Variants in LIPK observed in about 807,000 individuals in gnomAD.
LIPK encodes the protein lipase family member K.
In LIPK, 32 loss-of-function variants were observed where a neutral mutation model predicts 48.6. The ratio of observed to expected loss-of-function variants is 0.66; its 90% confidence interval spans 0.50 to 0.88. LIPK has a LOEUF of 0.88. Among genes scored for constraint, LIPK ranks in the 40% least tolerant of loss-of-function variants. LIPK has a pLI of 0.00. For missense variants in LIPK, 507 were observed against 478.5 expected, an observed-to-expected ratio of 1.06 and a Z score of -0.56; for synonymous variants, 164 against 157.4, an observed-to-expected ratio of 1.04 and a Z score of -0.32.
intron 8 of LIPK, among the ~76,000 whole-genome samples, chr10:88,741,131 T>C (rs1242304968): frequency 6.6e-6 from 1 of 152,220 alleles, no homozygotes; most frequent in Admixed American, 6.5e-5. Context: ...TCAGTCTCAC[T>C]GAATTATTAT....
Position 88,727,009 on chromosome 10 carries a change from C to G in LIPK, c.223+97C>G, listed in dbSNP as rs564965263. The G allele has an allele frequency of 7.5e-5, 54 of 715,572 alleles. No individual in the cohort carries two copies. In the South Asian group the frequency reaches 8.6e-4, roughly 11 times the overall value. The allele number at this position is 715,572 out of a possible 1,614,324, so 44.3% of individuals were successfully genotyped here. ...GCAGTTTTTGTTCTGAAATTCTTAA[C>G]AGTCCTTTCCATTAAAGGAGAAAAA... On this transcript the variant is annotated intron_variant, in intron 3 of 9. Coordinates refer to ENST00000404190, the MANE Select transcript of LIPK (RefSeq NM_001080518.2).
At chr10:88,736,760 A>T (rs367852475) in intron 6 of LIPK, among the ~76,000 whole-genome samples, 9 of 152,164 alleles carry the variant, frequency 5.9e-5, no homozygotes, top group African/African-American at 1.9e-4. Flanking sequence ...CTGTTCTGAA[A>T]CCTGGAGTTG....
chr10:88,727,930 G>A (rs1360342376), intron 3 of LIPK: 6 of 371,128 alleles, frequency 1.6e-5, no homozygotes, highest in Admixed American at 2.9e-5. Context: ...CTGGGAGAAC[G>A]TGGACAACAT....
chr10:88,746,955 C>T (rs937319328), intron 9 of LIPK, among the ~76,000 whole-genome samples: 7 of 152,032 alleles, frequency 4.6e-5, no homozygotes, highest in Non-Finnish European at 1.0e-4. Flanking sequence ...CCCACAGATA[C>T]ATAATAATCC....
chr10:88,717,280 C>T (rs978122009), intron 1 of LIPK, among the ~76,000 whole-genome samples: 15 of 152,134 alleles, frequency 9.9e-5, no homozygotes, highest in East Asian at 5.8e-4. Context: ...AGGAAAGGTT[C>T]GTCTTGGTCC....
chr10:88,752,696 T>C lies in LIPK; in HGVS notation c.1140T>C (p.Asp380=), dbSNP rs1413778720. Residue 380 remains aspartate, a synonymous_variant, in exon 10 of 10, where the codon GAT becomes GAC. Transcript: ENST00000404190. The part of the protein sequence containing the change: ...YNHVDFYLGE[D]APQEIYQDLI... ...ATGTGGATTTTTACCTTGGAGAGGA[T>C]GCACCTCAGGAAATTTACCAAGACC... 4 of 1,574,872 alleles carry C rather than the reference T, an allele frequency of 2.5e-6. No homozygotes were observed. Among genetic ancestry groups the C allele is most frequent in the Non-Finnish European group, 2.6e-6 (3 of 1,157,402 alleles).
chr10:88,746,516 C>T (rs1842768721), intron 9 of LIPK, among the ~76,000 whole-genome samples: 1 of 152,142 alleles, frequency 6.6e-6, no homozygotes, highest in African/African-American at 2.4e-5. Flanking sequence ...TCCTGAATGA[C>T]TTTTGGGTAA....
At chr10:88,722,933 G>A (rs184765495) in intron 1 of LIPK, among the ~76,000 whole-genome samples, 54 of 120,458 alleles carry the variant, frequency 4.5e-4, no homozygotes, top group African/African-American at 1.7e-3. Flanking sequence ...CGAGGCTGGC[G>A]TTCAGTGGTG....
chr10:88,708,599 C>A (rs1016865188), intron 1 of LIPK, among the ~76,000 whole-genome samples: 1 of 151,960 alleles, frequency 6.6e-6, no homozygotes, highest in Non-Finnish European at 1.5e-5. Flanking sequence ...TGCTAAGGTG[C>A]ACTTTATGGC....
At chr10:88,731,619 G>C (rs1432944218) in intron 4 of LIPK, among the ~76,000 whole-genome samples, 1 of 152,212 alleles carries the variant, frequency 6.6e-6, no homozygotes, top group Non-Finnish European at 1.5e-5. Context: ...CCTTGGCCTC[G>C]TTGCCTGCCT....
At chr10:88,745,290 A>C (rs1424312903) in intron 9 of LIPK, among the ~76,000 whole-genome samples, 1 of 152,174 alleles carries the variant, frequency 6.6e-6, no homozygotes, top group Admixed American at 6.6e-5. Flanking sequence ...AACCCCTGCA[A>C]GATAGTATAT....
rs1388380740 is a variant in LIPK at position 88,732,545 on chromosome 10, A to G, written c.663A>G (p.Val221=). The change falls in exon 6 of 10, where the codon GTA becomes GTG. Residue 221 remains valine, a synonymous_variant. Coordinates refer to ENST00000404190, the MANE Select transcript of LIPK (RefSeq NM_001080518.2). ...MKKLTTLSRR[V]VKVLFGDKMF... is the part of the protein sequence containing the mutation. ...AACTAACAACCCTTTCCAGGCGAGT[A>G]GTTAAGGTATGTGACTTCCCAAGTT... is the stretch of plus-strand genomic sequence containing the variant. The G allele has an allele frequency of 2.5e-6, 4 of 1,603,990 alleles. No individual in the cohort carries two copies. The highest frequency in any genetic ancestry group is 3.4e-6 in the Non-Finnish European group (4 of 1,177,440).
In LIPK at chr10:88,732,196, A is replaced by G. The variant is rs1327465546; in HGVS notation, c.441A>G (p.Lys147=). The stretch of plus-strand genomic sequence containing the variant: ...TTGATAGTTTGGATGAGATGGCTAA[A>G]TATGACCTTCCAGCCACAATCAATT... ...YWAFSLDEMA[K]YDLPATINFI... is the part of the protein sequence containing the mutation. Residue 147 remains lysine (K), a synonymous_variant, in exon 5 of 10, where the codon AAA becomes AAG. Coordinates refer to ENST00000404190, the MANE Select transcript of LIPK (RefSeq NM_001080518.2). 6.2e-7 allele frequency: 1 copy of G among 1,611,088 alleles called. No homozygotes were observed. Among genetic ancestry groups the G allele is most frequent in the Non-Finnish European group, 8.5e-7 (1 of 1,178,626 alleles).
Position 88,730,008 on chromosome 10 carries a change from AT to A in LIPK, c.224-970del, listed in dbSNP as rs1842432237. On this transcript the variant is annotated intron_variant, in intron 3 of 9. Coordinates refer to ENST00000404190, the MANE Select transcript of LIPK (RefSeq NM_001080518.2). ...GTTCCTATTTTACATTGGGAATAGG[AT>A]TTTTGTATCATATTAACAATTTTAA... Among the ~76,000 whole-genome samples the A allele has an allele frequency of 1.3e-5, 2 of 151,824 alleles. 1 individual carries two copies. Among genetic ancestry groups the A allele is most frequent in the South Asian group, 4.2e-4 (2 of 4,816 alleles).
At chr10:88,751,792 T>A (rs1361678180) in intron 9 of LIPK, among the ~76,000 whole-genome samples, 1 of 152,084 alleles carries the variant, frequency 6.6e-6, no homozygotes, top group African/African-American at 2.4e-5. Flanking sequence ...TAACCCCAAC[T>A]CCCACCAAAA....
chr10:88,745,473 G>T (rs1842751060), intron 9 of LIPK, among the ~76,000 whole-genome samples: 1 of 152,144 alleles, frequency 6.6e-6, no homozygotes, highest in African/African-American at 2.4e-5. Context: ...TTACGGGCTT[G>T]TATTCAACAT....
intron 6 of LIPK, among the ~76,000 whole-genome samples, chr10:88,736,473 T>C (rs1241936486): frequency 6.6e-6 from 1 of 152,208 alleles, no homozygotes; most frequent in Admixed American, 6.5e-5. Context: ...TAAAATGAGC[T>C]TCTCTTTTAA....
chr10:88,732,555 T>C lies in LIPK; in HGVS notation c.669+4T>C. ...CCTTTCCAGGCGAGTAGTTAAGGTA[T>C]GTGACTTCCCAAGTTTTAATCTGAA... On this transcript the variant is annotated splice_donor_region_variant and intron_variant, in intron 6 of 9. Coordinates refer to ENST00000404190, the MANE Select transcript of LIPK (RefSeq NM_001080518.2). 1.3e-6 allele frequency: 2 copies of C among 1,591,662 alleles called. No individual in the cohort carries two copies. Among genetic ancestry groups the C allele is most frequent in the Non-Finnish European group, 8.5e-7 (1 of 1,173,494 alleles).
At chr10:88,725,509 C>A (rs1842319943) in intron 2 of LIPK, among the ~76,000 whole-genome samples, 1 of 152,228 alleles carries the variant, frequency 6.6e-6, no homozygotes, top group Admixed American at 6.5e-5. Context: ...GTGTAGCCCA[C>A]AATTTATACA....
Sources: allele counts gnomAD v4.1 joint callset (sites outside exome capture counted in the v4.1 genomes callset), GRCh38; gene constraint gnomAD v4.1.1; transcripts MANE v1.5; gene names NCBI Gene and HGNC (gene_info 2026-07-23, HGNC 2026-07-21).